FBXO42: variants seen among roughly 807,000 people sequenced by gnomAD.
The protein encoded by FBXO42 is F-box protein 42, also known as F-box only protein 42.
FBXO42 carries 12 observed loss-of-function variants against 71.7 expected under a neutral mutation model. The observed-to-expected ratio is 0.17, with a 90% CI of 0.11 to 0.27. The LOEUF is 0.27. FBXO42 is among the 10% of genes least tolerant of loss of function. The probability of loss-of-function intolerance (pLI) is 1.00; values close to 1 mark genes in which losing one functional copy is unlikely to be tolerated. For synonymous variants in FBXO42, 325 were observed against 327.5 expected (o/e 0.99, Z 0.08); for missense variants, 707 against 911.9 (o/e 0.78, Z 2.89).
At chr1:16,323,864 G>T (rs1468247864) in intron 1 of FBXO42, among the ~76,000 whole-genome samples, 1 of 150,590 alleles carries the variant, frequency 6.6e-6, no homozygotes, top group African/African-American at 2.4e-5. Context: ...AAAAGAAGAA[G>T]GGACTGGACT....
rs186480640 is a variant in FBXO42 at position 16,282,280 on chromosome 1, C to G, written c.502+12503G>C. ...TCACTCTGTCCCCCAGGCTGGAGTG[C>G]AGTGGCGCGATCTCGGCTCACTGCA... On this transcript the variant is annotated intron_variant, in intron 4 of 9. Coordinates refer to ENST00000375592, the MANE Select transcript of FBXO42 (RefSeq NM_018994.3). 8.8e-3 allele frequency among the ~76,000 whole-genome samples: 1,312 copies of G among 149,710 alleles called. 11 individuals are homozygous for G. Among genetic ancestry groups the G allele is most frequent in the Non-Finnish European group, 0.013 (898 of 67,640 alleles).
chr1:16,278,427 G>T (rs2081927874), intron 4 of FBXO42, among the ~76,000 whole-genome samples: 1 of 151,976 alleles, frequency 6.6e-6, no homozygotes, highest in South Asian at 2.1e-4. Context: ...CCGACGTTTG[G>T]GACCTGAGCC....
intron 4 of FBXO42, among the ~76,000 whole-genome samples, chr1:16,275,454 C>T (rs1484029072): frequency 1.3e-5 from 2 of 151,986 alleles, no homozygotes; most frequent in Admixed American, 6.6e-5. Flanking sequence ...GCTGTCTCTA[C>T]AAATAATAAA....
intron 1 of FBXO42, among the ~76,000 whole-genome samples, chr1:16,326,038 G>GTGTGTC (rs2082446380): frequency 6.8e-6 from 1 of 146,860 alleles, no homozygotes; most frequent in South Asian, 2.1e-4. Context: ...GTGTGTGTGT[G>GTGTGTC]TGTGTGTGTG....
intron 1 of FBXO42, among the ~76,000 whole-genome samples, chr1:16,335,829 T>C (rs529866659): frequency 2.0e-5 from 3 of 147,758 alleles, no homozygotes; most frequent in African/African-American, 7.6e-5. Context: ...ATCACGCCAT[T>C]GCATTCCAGC....
intron 1 of FBXO42, among the ~76,000 whole-genome samples, chr1:16,339,830 C>G (rs1028749448): frequency 6.6e-6 from 1 of 152,174 alleles, no homozygotes; most frequent in Non-Finnish European, 1.5e-5. Context: ...TGGCTCACAC[C>G]TGTAGTCCCA....
chr1:16,279,728 A>G (rs949959302), intron 4 of FBXO42, among the ~76,000 whole-genome samples: 1 of 152,220 alleles, frequency 6.6e-6, no homozygotes, highest in Non-Finnish European at 1.5e-5. Context: ...AATAGACTAT[A>G]AAAAAGAATT....
rs1211196056 is a variant in FBXO42 at position 16,325,854 on chromosome 1, G to A, written c.-17-10419C>T. 1.3e-5 allele frequency among the ~76,000 whole-genome samples: 2 copies of A among 152,076 alleles called. 1 individual carries two copies. The highest frequency in any genetic ancestry group is 4.1e-4 in the South Asian group (2 of 4,824). On this transcript the variant is annotated intron_variant, in intron 1 of 9. Transcript: ENST00000375592. Reference sequence around the variant, plus strand: ...CTGGCCAGGGTGGTCTCAAACTCCTGACCTCAGGTGATCTGCCCACCTCGG... The same window carrying A: ...CTGGCCAGGGTGGTCTCAAACTCCTAACCTCAGGTGATCTGCCCACCTCGG...
chr1:16,294,569 G>A (rs985509754), intron 4 of FBXO42: 1 of 523,180 alleles, frequency 1.9e-6, no homozygotes, highest in African/African-American at 1.9e-5. Flanking sequence ...CAGCAATTTT[G>A]GCAGGGCACC....
At chr1:16,283,631 G>T (rs2081990291) in intron 4 of FBXO42, among the ~76,000 whole-genome samples, 1 of 151,250 alleles carries the variant, frequency 6.6e-6, no homozygotes, top group African/African-American at 2.4e-5. Flanking sequence ...CGAGTAGCTG[G>T]GATTACAGGC....
chr1:16,305,956 T>C, intron 2 of FBXO42, 37 bp from the exon 3 acceptor site: 1 of 1,329,988 alleles, frequency 7.5e-7, no homozygotes, highest in East Asian at 2.3e-5. Context: ...GTCCAGACAC[T>C]TAACTTATCC....
chr1:16,262,929 T>C (rs1245113241), intron 4 of FBXO42, among the ~76,000 whole-genome samples: 17 of 151,686 alleles, frequency 1.1e-4, no homozygotes, highest in Non-Finnish European at 2.1e-4. Flanking sequence ...TAGGCTCGTC[T>C]CAAACTCCTG....
At chr1:16,327,806 A>G (rs2082463769) in intron 1 of FBXO42, among the ~76,000 whole-genome samples, 1 of 152,102 alleles carries the variant, frequency 6.6e-6, no homozygotes, top group Non-Finnish European at 1.5e-5. Flanking sequence ...GGTTCAAGCG[A>G]TTCTCTCACC....
At chr1:16,279,066 G>A (rs563068152) in intron 4 of FBXO42, among the ~76,000 whole-genome samples, 42 of 152,180 alleles carry the variant, frequency 2.8e-4, no homozygotes, top group African/African-American at 9.2e-4. Flanking sequence ...ATGAGCCACC[G>A]CGCCCAGCCT....
intron 4 of FBXO42, among the ~76,000 whole-genome samples, chr1:16,280,926 G>A (rs554355173): frequency 2.0e-4 from 30 of 152,246 alleles, no homozygotes; most frequent in Admixed American, 1.4e-3. Context: ...AGGTGATTGT[G>A]AGCTTTGGTT....
intron 1 of FBXO42, among the ~76,000 whole-genome samples, chr1:16,318,787 A>C (rs994178222): frequency 6.6e-6 from 1 of 152,112 alleles, no homozygotes; most frequent in Non-Finnish European, 1.5e-5. Context: ...CACAATGCAG[A>C]CCTGACAAAG....
At chr1:16,322,437 G>A (rs999937017) in intron 1 of FBXO42, among the ~76,000 whole-genome samples, 19 of 152,146 alleles carry the variant, frequency 1.2e-4, no homozygotes, top group African/African-American at 4.1e-4. Flanking sequence ...TTAGCTGGGC[G>A]TGCAGGCGCA....
chr1:16,337,996 A>G (rs2082568403), intron 1 of FBXO42, among the ~76,000 whole-genome samples: 1 of 149,520 alleles, frequency 6.7e-6, no homozygotes, highest in African/African-American at 2.5e-5. Flanking sequence ...GCGGTGGCTC[A>G]CACCTGTAAT....
At chr1:16,350,856 G>A (rs1335504454) in intron 1 of FBXO42, among the ~76,000 whole-genome samples, 10 of 151,412 alleles carry the variant, frequency 6.6e-5, no homozygotes, top group African/African-American at 2.4e-4. Flanking sequence ...TTTAAGATAC[G>A]CAACATGCCT....
Sources: gnomAD v4.1 joint callset for allele counts (sites outside exome capture counted in the v4.1 genomes callset) on GRCh38, gnomAD v4.1.1 for gene constraint, MANE v1.5 for transcripts, NCBI Gene and HGNC (gene_info 2026-07-23, HGNC 2026-07-21) for gene names.